PKP1: variants seen among roughly 807,000 people sequenced by gnomAD.
PKP1 encodes the protein plakophilin-1.
Under a neutral mutation model 76.4 loss-of-function variants are expected in PKP1, and 27 were observed. The ratio of observed to expected loss-of-function variants is 0.35; its 90% CI spans 0.26 to 0.49. The LOEUF is 0.49. Among genes scored for constraint, PKP1 ranks in the 20% least tolerant of loss-of-function variants. The pLI, the probability that PKP1 is intolerant of heterozygous loss-of-function variation, is 0.99. For missense variants in PKP1, 964 were observed against 955.2 expected (o/e 1.01, Z -0.12); for synonymous variants, 404 against 384.2 (o/e 1.05, Z -0.60).
chr1:201,296,205 G>T (rs1209796265), intron 2 of PKP1, among the ~76,000 whole-genome samples: 3 of 152,210 alleles, frequency 2.0e-5, no homozygotes, highest in African/African-American at 7.2e-5. Flanking sequence ...GCAGAGGGAG[G>T]AGGCCAAGTA....
chr1:201,307,142 G>A (rs2268160), intron 2 of PKP1, among the ~76,000 whole-genome samples: 4,264 of 152,226 alleles, frequency 0.028, 80 homozygotes, highest in East Asian at 0.049. Context: ...TGCTGGTCTC[G>A]GGGTGCTGGT....
intron 2 of PKP1, among the ~76,000 whole-genome samples, chr1:201,299,304 T>A (rs1490076544): frequency 1.3e-5 from 2 of 152,208 alleles, no homozygotes; most frequent in Non-Finnish European, 2.9e-5. Context: ...AGCTTGCTTA[T>A]CTCTGAAATG....
At chr1:201,319,412 T>C (rs1463548236) in intron 6 of PKP1, among the ~76,000 whole-genome samples, 1 of 152,110 alleles carries the variant, frequency 6.6e-6, no homozygotes, top group Non-Finnish European at 1.5e-5. Context: ...GGGTCTTTAA[T>C]GGGGTTTGTC....
At chr1:201,325,256 G>C in intron 11 of PKP1, 129 bp downstream of exon 11, 2 of 950,696 alleles carry the variant, frequency 2.1e-6, no homozygotes, top group Non-Finnish European at 3.3e-6. Context: ...GCCAGGGACG[G>C]GGGAGGCTTG....
rs371948391 is a variant in PKP1 at position 201,313,248 on chromosome 1, A to G, written c.389A>G (p.Tyr130Cys). The change falls in exon 3 of 14, where the codon TAC (tyrosine) becomes TGC (cysteine). Residue 130 changes from tyrosine to cysteine, a missense_variant. Coordinates refer to ENST00000367324, the MANE Select transcript of PKP1 (RefSeq NM_001005337.3). ...YSQMENWSRH[Y>C]PRGSCNTTGA... Reference sequence around the variant, plus strand: ...CAGATGGAGAACTGGAGCCGGCACTACCCCCGGGGCAGCTGTAACACCACC... The same window carrying G: ...CAGATGGAGAACTGGAGCCGGCACTGCCCCCGGGGCAGCTGTAACACCACC... 1.2e-6 allele frequency: 2 copies of G among 1,603,702 alleles called. No homozygotes were observed. Among genetic ancestry groups the G allele is most frequent in the Non-Finnish European group, 1.7e-6 (2 of 1,175,866 alleles).
chr1:201,320,910 A>G lies in PKP1; in HGVS notation c.1347+529A>G, dbSNP rs562957943. ...CACTGCTATCTTCCCACTGCCTCCC[A>G]GAAAAGCCATTGGCAGTCATCTTGC... On this transcript the variant is annotated intron_variant, in intron 7 of 13. Coordinates refer to ENST00000367324, the MANE Select transcript of PKP1 (RefSeq NM_001005337.3). 2.0e-5 allele frequency among the ~76,000 whole-genome samples: 3 copies of G among 152,298 alleles called. No individual in the cohort carries two copies. The South Asian group carries it at 6.2e-4, about 32-fold the overall frequency.
chr1:201,332,630 G>T lies in PKP1; in HGVS notation c.*2589G>T, dbSNP rs1358898731. Reference sequence around the variant, plus strand: ...CTCTGCCCTGGGATCTCCTGTGCTAGCGGCCAATGACAAATCCAGTCATTG... The same window carrying T: ...CTCTGCCCTGGGATCTCCTGTGCTATCGGCCAATGACAAATCCAGTCATTG... On this transcript the variant is annotated 3_prime_UTR_variant, in exon 14 of 14. Transcript: ENST00000367324. The T allele has an allele frequency of 7.0e-6, 1 of 143,388 alleles. No homozygotes were observed. Among genetic ancestry groups the T allele is most frequent in the African/African-American group, 2.8e-5 (1 of 36,042 alleles). The allele number at this position is 143,388 out of a possible 1,614,324, so 8.9% of individuals were successfully genotyped here.
At chr1:201,286,241 C>T (rs1655732572) in intron 1 of PKP1, among the ~76,000 whole-genome samples, 1 of 152,188 alleles carries the variant, frequency 6.6e-6, no homozygotes, top group Non-Finnish European at 1.5e-5. Flanking sequence ...CCCTCGCCCC[C>T]TGGACAGATT....
At chr1:201,315,054 A>G (rs1247225281) in intron 3 of PKP1, among the ~76,000 whole-genome samples, 1 of 152,238 alleles carries the variant, frequency 6.6e-6, no homozygotes, top group Admixed American at 6.5e-5. Flanking sequence ...TTATAGAGCT[A>G]GACGTTTCCG....
chr1:201,315,468 C>G (rs1381777687), intron 3 of PKP1, among the ~76,000 whole-genome samples: 1 of 152,180 alleles, frequency 6.6e-6, no homozygotes, highest in Non-Finnish European at 1.5e-5. Flanking sequence ...TGACTCTACA[C>G]CAGGGGAGCT....
intron 7 of PKP1, among the ~76,000 whole-genome samples, chr1:201,321,418 T>A (rs573576712): frequency 6.6e-6 from 1 of 152,250 alleles, no homozygotes; most frequent in South Asian, 2.1e-4. Context: ...GCTGCCATGA[T>A]GAAGCCCTGG....
chr1:201,301,897 C>A (rs181865900), intron 2 of PKP1, among the ~76,000 whole-genome samples: 1 of 152,294 alleles, frequency 6.6e-6, no homozygotes, highest in East Asian at 1.9e-4. Flanking sequence ...CCTCTCCAGG[C>A]CTCGGTTTCC....
At chr1:201,303,585 C>T (rs1429275707) in intron 2 of PKP1, among the ~76,000 whole-genome samples, 1 of 152,088 alleles carries the variant, frequency 6.6e-6, no homozygotes, top group Admixed American at 6.5e-5. Context: ...GGTACTTTTA[C>T]CTGGCAGAAA....
rs1657044366 is a variant in PKP1 at position 201,324,381 on chromosome 1, GC to G, written c.1681-45del. On this transcript the variant is annotated intron_variant, in intron 9 of 13. Transcript: ENST00000367324. The stretch of plus-strand genomic sequence containing the variant: ...CTTGCCCCTTTCTGCCTGCCATGGT[GC>G]CTGGGAAGCCACAGGCTAGCTCATC... 4.5e-6 allele frequency: 7 copies of G among 1,560,458 alleles called. No individual in the cohort carries two copies. The South Asian group carries it at 7.9e-5, about 18-fold the overall frequency.
chr1:201,302,758 C>T (rs983345180), intron 2 of PKP1, among the ~76,000 whole-genome samples: 3 of 152,146 alleles, frequency 2.0e-5, no homozygotes, highest in South Asian at 2.1e-4. Context: ...CCCCTCCCCT[C>T]CCGCCCCCAC....
chr1:201,329,067 A>G (rs1401566789), intron 13 of PKP1, among the ~76,000 whole-genome samples, 199 bp downstream of exon 13: 1 of 152,150 alleles, frequency 6.6e-6, no homozygotes, highest in African/African-American at 2.4e-5. Flanking sequence ...GGGGTGTATA[A>G]TGTCCTGGGA....
At chr1:201,315,090 T>C (rs1013041942) in intron 3 of PKP1, among the ~76,000 whole-genome samples, 13 of 152,208 alleles carry the variant, frequency 8.5e-5, no homozygotes, top group African/African-American at 3.1e-4. Flanking sequence ...GTAAGGCGTA[T>C]TTAGGATGAT....
At chr1:201,300,826 C>T (rs1480858548) in intron 2 of PKP1, among the ~76,000 whole-genome samples, 1 of 152,178 alleles carries the variant, frequency 6.6e-6, no homozygotes, top group Non-Finnish European at 1.5e-5. Context: ...TGCAGGAAGT[C>T]GGGATCGGCT....
rs759411149 is a variant in PKP1, at chr1:201,320,264, C to T, written c.1233-3C>T. ...CCCTCTTCCACCCTCTTCTCTCCCCCAGGAACCTGAGCTCGGCCGATGCAG... is the reference window on the plus strand; with the variant it reads ...CCCTCTTCCACCCTCTTCTCTCCCCTAGGAACCTGAGCTCGGCCGATGCAG... On this transcript the variant is annotated splice_region_variant and splice_polypyrimidine_tract_variant and intron_variant, in intron 6 of 13. Transcript: ENST00000367324. The T allele has an allele frequency of 6.2e-7, 1 of 1,605,574 alleles. No individual in the cohort carries two copies. Among genetic ancestry groups the T allele is most frequent in the South Asian group, 1.1e-5 (1 of 90,896 alleles).
Sources: allele counts gnomAD v4.1 joint callset (sites outside exome capture counted in the v4.1 genomes callset), GRCh38; gene constraint gnomAD v4.1.1; transcripts MANE v1.5; gene names NCBI Gene and HGNC (gene_info 2026-07-23, HGNC 2026-07-21).